The following PAPPA variants were observed in gnomAD, a reference collection of about 807,000 sequenced individuals.
The protein encoded by PAPPA is pappalysin-1.
A neutral mutation model predicts 164.0 loss-of-function variants in PAPPA; 60 were observed. The ratio of observed to expected loss-of-function variants is 0.37; its 90% CI spans 0.30 to 0.45. The LOEUF (loss-of-function observed/expected upper bound fraction) is 0.45, where lower values mean the gene tolerates loss of function less well. Ranked by LOEUF, PAPPA falls within the 20% of genes least tolerant of loss-of-function variation. The probability of loss-of-function intolerance (pLI) is 1.00; values close to 1 mark genes in which losing one functional copy is unlikely to be tolerated. For missense variants in PAPPA, 1,782 were observed against 2,087.3 expected (o/e 0.85, Z 2.85); for synonymous variants, 875 against 814.1 (o/e 1.07, Z -1.27).
At chr9:116,277,346 G>C (rs1433156083) in intron 9 of PAPPA, among the ~76,000 whole-genome samples, 1 of 152,130 alleles carries the variant, frequency 6.6e-6, no homozygotes, top group Non-Finnish European at 1.5e-5. Flanking sequence ...AGGAATATAG[G>C]TGGGGGTCAT....
chr9:116,209,790 C>G (rs1028068708), intron 3 of PAPPA, among the ~76,000 whole-genome samples: 1 of 152,142 alleles, frequency 6.6e-6, no homozygotes, highest in African/African-American at 2.4e-5. Flanking sequence ...CATGGAGAGA[C>G]AGAGAATCAT....
intron 2 of PAPPA, among the ~76,000 whole-genome samples, chr9:116,191,372 G>A (rs758949245): frequency 3.9e-5 from 6 of 152,146 alleles, no homozygotes; most frequent in Admixed American, 6.5e-5. Flanking sequence ...TGGTGGAGAC[G>A]GTGGCCTTGT....
intron 7 of PAPPA, among the ~76,000 whole-genome samples, chr9:116,239,590 C>T (rs1189944388): frequency 6.6e-6 from 1 of 152,152 alleles, no homozygotes; most frequent in African/African-American, 2.4e-5. Flanking sequence ...ATAATGACAA[C>T]CATTTACTAA....
At chr9:116,394,995 G>A (rs1457330403) in intron 21 of PAPPA, among the ~76,000 whole-genome samples, 1 of 152,192 alleles carries the variant, frequency 6.6e-6, no homozygotes, top group Non-Finnish European at 1.5e-5. Context: ...AAAAATAAAG[G>A]AGAGGGAGCG....
intron 10 of PAPPA, among the ~76,000 whole-genome samples, chr9:116,303,372 A>G (rs1358000257): frequency 6.6e-6 from 1 of 151,970 alleles, no homozygotes; most frequent in African/African-American, 2.4e-5. Flanking sequence ...TCTGGGCCCT[A>G]TTTTTCGACT....
chr9:116,362,468 A>C, intron 17 of PAPPA, 124 bp from the exon 18 acceptor site: 2 of 988,598 alleles, frequency 2.0e-6, no homozygotes, highest in Non-Finnish European at 1.5e-6. Context: ...ATTGTTAAGA[A>C]ATTGTTTTGG....
At chr9:116,369,901 A>G (rs893660585) in intron 19 of PAPPA, among the ~76,000 whole-genome samples, 1 of 151,970 alleles carries the variant, frequency 6.6e-6, no homozygotes, top group African/African-American at 2.4e-5. Flanking sequence ...ATCCAGGAGG[A>G]AAAAAATGTG....
chr9:116,312,288 C>CTTTTTT (rs5900201), intron 10 of PAPPA, among the ~76,000 whole-genome samples: 107 of 129,552 alleles, frequency 8.3e-4, no homozygotes, highest in Middle Eastern at 4.4e-3. Flanking sequence ...TTCTTTCTTT[C>CTTTTTT]TTTTTTTTTT....
At chr9:116,294,454 T>C (rs1432440616) in intron 9 of PAPPA, among the ~76,000 whole-genome samples, 1 of 152,194 alleles carries the variant, frequency 6.6e-6, no homozygotes, top group Non-Finnish European at 1.5e-5. Flanking sequence ...GAAGAAACCC[T>C]GGTTTGAATA....
chr9:116,275,309 A>C (rs922758558), intron 9 of PAPPA, among the ~76,000 whole-genome samples: 2 of 152,168 alleles, frequency 1.3e-5, no homozygotes, highest in South Asian at 4.1e-4. Flanking sequence ...ACTTTTCTCT[A>C]TGTGTGTTTG....
intron 17 of PAPPA, among the ~76,000 whole-genome samples, chr9:116,356,584 T>C (rs185465368): frequency 3.3e-5 from 5 of 152,352 alleles, no homozygotes; most frequent in African/African-American, 9.6e-5. Context: ...GGCTAGCCAG[T>C]TTTCCCAGCA....
chr9:116,346,818 C>CT (rs1289815912), intron 14 of PAPPA, among the ~76,000 whole-genome samples: 1 of 152,186 alleles, frequency 6.6e-6, no homozygotes, highest in Non-Finnish European at 1.5e-5. Context: ...TGTAATGTCT[C>CT]TGAGTCTCAG....
At chr9:116,224,422 T>G (rs1344063357) in intron 5 of PAPPA, among the ~76,000 whole-genome samples, 1 of 152,256 alleles carries the variant, frequency 6.6e-6, no homozygotes, top group East Asian at 1.9e-4. Flanking sequence ...TTTTCTGATG[T>G]GTAAGCCAAA....
At chr9:116,166,894 T>C (rs2118983050) in intron 1 of PAPPA, among the ~76,000 whole-genome samples, 1 of 152,220 alleles carries the variant, frequency 6.6e-6, no homozygotes, top group Admixed American at 6.5e-5. Flanking sequence ...ACTGAATGAA[T>C]GAATGGTGGT....
At chr9:116,323,528 C>G (rs2146803) in intron 10 of PAPPA, among the ~76,000 whole-genome samples, 140,586 of 152,200 alleles carry the variant, frequency 0.92, 65,844 homozygotes, top group East Asian at 1. Context: ...TTTGCAGCTT[C>G]CAATTGCAGA....
chr9:116,392,566 C>T (rs1417108169), intron 21 of PAPPA, among the ~76,000 whole-genome samples: 1 of 152,150 alleles, frequency 6.6e-6, no homozygotes, highest in Non-Finnish European at 1.5e-5. Flanking sequence ...AACAGGTGTC[C>T]CCAAGTCCTT....
At chr9:116,241,280 T>A (rs1844732442) in intron 7 of PAPPA, among the ~76,000 whole-genome samples, 1 of 152,290 alleles carries the variant, frequency 6.6e-6, no homozygotes, top group African/African-American at 2.4e-5. Context: ...CAAGAAAAAC[T>A]TTTTGTTTCA....
At chr9:116,155,373 G>A (rs1237307910) in intron 1 of PAPPA, among the ~76,000 whole-genome samples, 5 of 152,194 alleles carry the variant, frequency 3.3e-5, no homozygotes, top group Admixed American at 3.3e-4. Flanking sequence ...AGTGAAATCG[G>A]ACACTTTGCG....
intron 7 of PAPPA, among the ~76,000 whole-genome samples, chr9:116,252,843 T>C (rs571892668): frequency 6.6e-6 from 1 of 152,314 alleles, no homozygotes; most frequent in African/African-American, 2.4e-5. Flanking sequence ...CTGTTCTTAA[T>C]CTAGAAAAAT....
Sources: allele counts gnomAD v4.1 joint callset (sites outside exome capture counted in the v4.1 genomes callset), GRCh38; gene constraint gnomAD v4.1.1; transcripts MANE v1.5; gene names NCBI Gene and HGNC (gene_info 2026-07-23, HGNC 2026-07-21).